The following SAMD5 variants were observed in gnomAD, a reference collection of about 807,000 sequenced individuals.
The protein encoded by SAMD5 is sterile alpha motif domain containing 5, also known as sterile alpha motif domain-containing protein 5.
In SAMD5, 13 loss-of-function variants were observed where a neutral mutation model predicts 11.3. The observed-to-expected ratio is 1.15, with a 90% CI of 0.75 to 1.83. SAMD5 has a LOEUF of 1.83. Among genes scored for constraint, SAMD5 ranks in the 40% most tolerant of loss-of-function variants. The pLI, the probability that SAMD5 is intolerant of heterozygous loss-of-function variation, is 0.00. For synonymous variants in SAMD5, 129 were observed against 111.3 expected, an observed-to-expected ratio of 1.16 and a Z score of -1.00; for missense variants, 255 against 239.1, an observed-to-expected ratio of 1.07 and a Z score of -0.44.
intron 1 of SAMD5, among the ~76,000 whole-genome samples, chr6:147,614,881 C>A (rs1437974611): frequency 6.6e-6 from 1 of 151,872 alleles, no homozygotes; most frequent in Admixed American, 6.6e-5. Flanking sequence ...TTCAACCAAC[C>A]ATAGACTGAA....
chr6:147,657,359 T>C (rs977876149), intron 1 of SAMD5, among the ~76,000 whole-genome samples: 2 of 152,156 alleles, frequency 1.3e-5, no homozygotes, highest in Non-Finnish European at 2.9e-5. Flanking sequence ...TGTAAGATAA[T>C]AGCCCTATTC....
At chr6:147,783,071 T>A in the SAMD5 span, among the ~76,000 whole-genome samples, 1 of 152,224 alleles carries the variant, frequency 6.6e-6, no homozygotes. Flanking sequence ...TCTTTAAGAT[T>A]TCCCTTTATA....
rs140321684 is a variant in SAMD5, at chr6:147,516,791, C to T, written c.459+7404C>T. Among the ~76,000 whole-genome samples the T allele has an allele frequency of 3.2e-3, 494 of 152,316 alleles. 2 individuals carry two copies. The highest frequency in any genetic ancestry group is 0.011 in the African/African-American group (456 of 41,574). Reference sequence around the variant, plus strand: ...GGCCCAAGTCGCAGAGCAGCTTGCACGGCAGCCTGGACCTGCTGCAGAACC... The same window carrying T: ...GGCCCAAGTCGCAGAGCAGCTTGCATGGCAGCCTGGACCTGCTGCAGAACC... On this transcript the variant is annotated intron_variant, in intron 1 of 1. Transcript: ENST00000367474.
At chr6:147,615,380 T>C (rs571730792) in intron 1 of SAMD5, among the ~76,000 whole-genome samples, 25 of 152,286 alleles carry the variant, frequency 1.6e-4, no homozygotes, top group African/African-American at 5.3e-4. Flanking sequence ...TAAATTATAG[T>C]TCTGAATTTA....
chr6:147,663,791 C>CAA lies in SAMD5; in HGVS notation c.163-73506_163-73505dup, dbSNP rs199707045. On this transcript the variant is annotated intron_variant, in intron 1 of 1. Transcript: ENST00000566741. ...TGGGTGAAAGAGCGAAACTCTGTCT[C>CAA]AAAAAAAAAAAAAAAAAAAAAGAGA... Among the ~76,000 whole-genome samples, 276 of 82,726 alleles carry CAA rather than the reference C, an allele frequency of 3.3e-3. 1 individual carries two copies. Among genetic ancestry groups the CAA allele is most frequent in the East Asian group, 8.2e-3 (22 of 2,690 alleles). 54.3% of individuals were successfully genotyped at this position (82,726 alleles called of 152,430 possible).
intron 1 of SAMD5, among the ~76,000 whole-genome samples, chr6:147,650,665 G>A (rs1475649637): frequency 2.6e-5 from 4 of 152,202 alleles, no homozygotes; most frequent in Non-Finnish European, 5.9e-5. Flanking sequence ...GCATCAACGT[G>A]CAAGGGACAG....
Position 147,641,567 on chromosome 6 carries a change from A to ATT in SAMD5, c.163-95734_163-95733dup, listed in dbSNP as rs35496907. Among the ~76,000 whole-genome samples the ATT allele has an allele frequency of 7.6e-3, 1,064 of 139,828 alleles. 11 individuals carry two copies. The highest frequency in any genetic ancestry group is 0.026 in the South Asian group (114 of 4,370). The allele number at this position is 139,828 out of a possible 152,430, so 91.7% of individuals were successfully genotyped here. On this transcript the variant is annotated intron_variant, in intron 1 of 1. Transcript: ENST00000566741. ...AACTAACTCTCTTTCTCTGTCTTTAATTTTTTTTTTTTTTTTTGCTCAAAA... is the reference window on the plus strand; with the variant it reads ...AACTAACTCTCTTTCTCTGTCTTTAATTTTTTTTTTTTTTTTTTTGCTCAAAA...
At chr6:147,655,202 ACTT>A (rs1562344293) in intron 1 of SAMD5, among the ~76,000 whole-genome samples, 1 of 152,180 alleles carries the variant, frequency 6.6e-6, no homozygotes, top group Non-Finnish European at 1.5e-5. Context: ...TGAAGAAGGC[ACTT>A]CTTCTGATAT....
At position 147,712,514 on chromosome 6, in the gene SAMD5, C is replaced by T. The variant is rs576717382; in HGVS notation, c.163-24803C>T. 8.5e-5 allele frequency among the ~76,000 whole-genome samples: 13 copies of T among 152,314 alleles called. No homozygotes were observed. The East Asian group carries it at 2.3e-3, about 27-fold the overall frequency. On this transcript the variant is annotated intron_variant, in intron 1 of 1. Transcript: ENST00000566741. ...TTATGGGCTGAATGTTTGCTTCTCC[C>T]TCTTCCCTAAATTCATGTGTTGAAG...
the SAMD5 span, among the ~76,000 whole-genome samples, chr6:147,836,460 A>G: frequency 6.6e-6 from 1 of 152,192 alleles, no homozygotes; most frequent in Admixed American, 6.5e-5. Flanking sequence ...CCTACCAAAC[A>G]TCGCAGCTTA....
At chr6:147,680,164 C>G (rs1257188644) in intron 1 of SAMD5, among the ~76,000 whole-genome samples, 1 of 152,068 alleles carries the variant, frequency 6.6e-6, no homozygotes, top group African/African-American at 2.4e-5. Context: ...GATGAGTCTT[C>G]TGACCCGTAA....
chr6:147,833,762 C>T, the SAMD5 span, among the ~76,000 whole-genome samples: 1 of 152,164 alleles, frequency 6.6e-6, no homozygotes, highest in Admixed American at 6.5e-5. Flanking sequence ...CTATCAGTTC[C>T]ATTCTTACAA....
the SAMD5 span, among the ~76,000 whole-genome samples, chr6:147,803,416 T>A: frequency 6.6e-6 from 1 of 152,224 alleles, no homozygotes; most frequent in Non-Finnish European, 1.5e-5. Context: ...ACAATGTTCC[T>A]GCCTCTAGTC....
At chr6:147,814,847 T>A in the SAMD5 span, among the ~76,000 whole-genome samples, 1 of 152,046 alleles carries the variant, frequency 6.6e-6, no homozygotes, top group Non-Finnish European at 1.5e-5. Context: ...CAGAGGGAAA[T>A]GTAATTGGCA....
At chr6:147,899,254 G>A in the SAMD5 span, among the ~76,000 whole-genome samples, 20 of 148,340 alleles carry the variant, frequency 1.3e-4, no homozygotes, top group Non-Finnish European at 1.9e-4. Flanking sequence ...AGATATTAAT[G>A]ACCAGCCTTG....
intron 1 of SAMD5, among the ~76,000 whole-genome samples, chr6:147,656,497 T>C (rs1001073762): frequency 6.6e-6 from 1 of 152,128 alleles, no homozygotes. Flanking sequence ...AAAAGGCATA[T>C]ACCCCTAAGT....
chr6:147,800,308 G>T, the SAMD5 span, among the ~76,000 whole-genome samples: 1 of 152,178 alleles, frequency 6.6e-6, no homozygotes, highest in East Asian at 1.9e-4. Context: ...TCAGCTGCAG[G>T]TCTGTTGGAG....
chr6:147,529,102 T>C (rs1443529004), intron 1 of SAMD5, among the ~76,000 whole-genome samples: 1 of 152,202 alleles, frequency 6.6e-6, no homozygotes, highest in African/African-American at 2.4e-5. Context: ...CTTAGCTTAG[T>C]GGTTGGTACA....
chr6:147,837,916 C>T, the SAMD5 span, among the ~76,000 whole-genome samples: 1 of 152,122 alleles, frequency 6.6e-6, no homozygotes, highest in Non-Finnish European at 1.5e-5. Context: ...AGTGAATTAA[C>T]CACAGGGATG....
Sources: allele counts gnomAD v4.1 joint callset (sites outside exome capture counted in the v4.1 genomes callset), GRCh38; gene constraint gnomAD v4.1.1; transcripts MANE v1.5; gene names NCBI Gene and HGNC (gene_info 2026-07-23, HGNC 2026-07-21).